Variants in TMEM201 observed in about 807,000 individuals in gnomAD.
TMEM201 encodes the protein RP13-15M17.2.
Under a neutral mutation model 63.4 loss-of-function variants are expected in TMEM201, and 26 were observed. The observed-to-expected ratio is 0.41, with a 90% CI of 0.30 to 0.57. The LOEUF (loss-of-function observed/expected upper bound fraction) is 0.57. Among genes scored for constraint, TMEM201 ranks in the 20% least tolerant of loss-of-function variants. The pLI is 0.29. For missense variants in TMEM201, 794 were observed against 917.7 expected (o/e 0.87, Z 1.74); for synonymous variants, 417 against 421.6 (o/e 0.99, Z 0.14).
chr1:9,602,613 TC>T, intron 6 of TMEM201: 1 of 1,219,096 alleles, frequency 8.2e-7, no homozygotes, highest in Non-Finnish European at 1.0e-6. Flanking sequence ...TACTGGCAGC[TC>T]CAGGCACCCC....
At position 9,611,568 on chromosome 1, in the gene TMEM201, G is replaced by A. The variant is rs773069302; in HGVS notation, c.1766-185G>A. On this transcript the variant is annotated intron_variant, in intron 9 of 10. Coordinates refer to ENST00000340381, the MANE Select transcript of TMEM201 (RefSeq NM_001130924.3). ...GTCACCTTGGGCCTGAATACTGGCA[G>A]ACAAGAGGTGGCAGGACAGTTGAGC... is the stretch of plus-strand genomic sequence containing the variant. Among the ~76,000 whole-genome samples, 107 of 152,358 alleles carry A rather than the reference G, an allele frequency of 7.0e-4. 1 individual carries two copies. The highest frequency in any genetic ancestry group is 7.7e-4 in the East Asian group (4 of 5,188).
In TMEM201 at chr1:9,603,701, C is replaced by T. The variant is rs1053841221; in HGVS notation, c.1160+1429C>T. 9.1e-6 allele frequency: 9 copies of T among 985,308 alleles called. No individual in the cohort carries two copies. The highest frequency in any genetic ancestry group is 1.1e-5 in the Non-Finnish European group (9 of 829,952). The allele number at this position is 985,308 out of a possible 1,614,324, so 61.0% of individuals were successfully genotyped here. On this transcript the variant is annotated intron_variant, in intron 6 of 10. Coordinates refer to ENST00000340381, the MANE Select transcript of TMEM201 (RefSeq NM_001130924.3). The surrounding 1 kb of genome is among the most constrained non-coding windows in gnomAD (Gnocchi z 4.5). ...AGGCCTCACTGCTGTGAATCTGCCA[C>T]GCCTGGGGGTCCTAGAGGCTGCCCC...
chr1:9,598,721 T>G, intron 4 of TMEM201, 96 bp downstream of exon 4: 3 of 1,219,626 alleles, frequency 2.5e-6, no homozygotes, highest in Non-Finnish European at 3.4e-6. Context: ...AGGGTAGCTC[T>G]TCAGAGCTGA....
chr1:9,612,033 G>A (rs4073293), intron 10 of TMEM201, 143 bp downstream of exon 10: 722,843 of 931,694 alleles, frequency 0.78, 284,060 homozygotes, highest in Non-Finnish European at 0.81. Context: ...CCCACCCGGC[G>A]CCTCTGAATC....
chr1:9,595,813 T>TGGGGC, intron 1 of TMEM201, 77 bp from the exon 2 acceptor site: 1 of 1,595,864 alleles, frequency 6.3e-7, no homozygotes, highest in Non-Finnish European at 8.5e-7. Flanking sequence ...CTGGTGGCCC[T>TGGGGC]GGGGCAGGGC....
rs1245573540 is a variant in TMEM201 at position 9,613,023 on chromosome 1, C to T, written c.1941C>T (p.Ala647=). The change falls in exon 11 of 11, where the codon GCC becomes GCT. Residue 647 remains alanine (A), a synonymous_variant. Transcript: ENST00000340381. ...CTTCCCTGGTCCGGGGCCTCCTGGC[C>T]GTGAGCTTGGCCGCCAACGCCCTGT... ...FGPSLVRGLL[A]VSLAANALFT... is the part of the protein sequence containing the mutation. 1.8e-5 allele frequency: 28 copies of T among 1,551,428 alleles called. No homozygotes were observed. The Admixed American group carries it at 3.9e-4, about 22-fold the overall frequency.
At chr1:9,596,068 G>A in intron 2 of TMEM201, 58 bp downstream of exon 2, 5 of 1,587,122 alleles carry the variant, frequency 3.2e-6, no homozygotes, top group Non-Finnish European at 4.3e-6. Flanking sequence ...CTTGAGATTT[G>A]CACCTTGAGA....
At position 9,604,819 on chromosome 1, in the gene TMEM201, C is replaced by T. The variant is rs745985972; in HGVS notation, c.1160+2547C>T. 8.1e-6 allele frequency: 8 copies of T among 985,882 alleles called. No individual in the cohort carries two copies. The highest frequency in any genetic ancestry group is 9.6e-6 in the Non-Finnish European group (8 of 830,018). 61.1% of individuals were successfully genotyped at this position (985,882 alleles called of 1,614,324 possible). On this transcript the variant is annotated intron_variant, in intron 6 of 10. Coordinates refer to ENST00000340381, the MANE Select transcript of TMEM201 (RefSeq NM_001130924.3). This position sits in a 1 kb window ranked among gnomAD's most constrained non-coding sequence, Gnocchi z 4.1. ...CTTCTGTCTGTGACTGTTGCTGAGT[C>T]TCTGTCTCATGTCGTAGAATTGTGG...
intron 4 of TMEM201, among the ~76,000 whole-genome samples, chr1:9,599,587 T>G (rs1644096366): frequency 6.6e-6 from 1 of 151,976 alleles, no homozygotes; most frequent in Admixed American, 6.6e-5. Flanking sequence ...TTTGTGAAGT[T>G]CTCACCAAAA....
rs983440553 is a variant in TMEM201 at position 9,603,634 on chromosome 1, C to T, written c.1160+1362C>T. The T allele has an allele frequency of 3.3e-5, 33 of 985,324 alleles. No individual in the cohort carries two copies. The highest frequency in any genetic ancestry group is 6.1e-5 in the Admixed American group (1 of 16,266). 61.0% of individuals were successfully genotyped at this position (985,324 alleles called of 1,614,324 possible). ...ATCACAGGTGCATGAGGGTTACACC[C>T]GTCACCTGGGTCTGCCGGGATGGGT... On this transcript the variant is annotated intron_variant, in intron 6 of 10. Coordinates refer to ENST00000340381, the MANE Select transcript of TMEM201 (RefSeq NM_001130924.3). The surrounding 1 kb of genome is among the most constrained non-coding windows in gnomAD (Gnocchi z 4.5).
chr1:9,594,545 G>T (rs1161056615), intron 1 of TMEM201, among the ~76,000 whole-genome samples: 1 of 152,238 alleles, frequency 6.6e-6, no homozygotes, highest in Non-Finnish European at 1.5e-5. Flanking sequence ...TGTGAGGGAG[G>T]TGCTTTTGTC....
intron 1 of TMEM201, among the ~76,000 whole-genome samples, chr1:9,589,937 A>T (rs1047140614): frequency 1.3e-5 from 2 of 152,234 alleles, no homozygotes; most frequent in African/African-American, 4.8e-5. Context: ...ACTCAGCAGC[A>T]AGTGGCAGAG....
chr1:9,611,186 AT>A, intron 9 of TMEM201: 1 of 612,864 alleles, frequency 1.6e-6, no homozygotes, highest in Non-Finnish European at 2.4e-6. Context: ...TTTCACATGA[AT>A]TTGTAGATTT....
intron 1 of TMEM201, among the ~76,000 whole-genome samples, chr1:9,593,527 A>G (rs1216292672): frequency 6.6e-6 from 1 of 152,204 alleles, no homozygotes; most frequent in Admixed American, 6.5e-5. Context: ...GGCCCCAGGG[A>G]CAAGGGCTAA....
chr1:9,589,042 A>T lies in TMEM201; in HGVS notation c.112A>T (p.Arg38Trp). ...AGVLLYRIARRMKPTHTMVNC... is the reference protein window; with the variant it reads ...AGVLLYRIARWMKPTHTMVNC... ...CGTGTTGCTCTACCGGATCGCGCGG[A>T]GGTGAGTGCATGGTTCGGCCCCACG... The change falls in exon 1 of 11, where the codon AGG (arginine) becomes TGG (tryptophan). Residue 38 changes from arginine (R) to tryptophan (W), a missense_variant and splice_region_variant. Arg to Trp is a moderately radical substitution (Grantham distance 101, BLOSUM62 -3). Transcript: ENST00000340381. 9.0e-7 allele frequency: 1 copy of T among 1,116,210 alleles called. No homozygotes were observed. The highest frequency in any genetic ancestry group is 1.1e-6 in the Non-Finnish European group (1 of 912,368). The allele number at this position is 1,116,210 out of a possible 1,614,324, so 69.1% of individuals were successfully genotyped here.
chr1:9,597,170 C>T, intron 3 of TMEM201, 117 bp downstream of exon 3: 1 of 1,243,572 alleles, frequency 8.0e-7, no homozygotes, highest in Non-Finnish European at 1.1e-6. Context: ...CTCTGCTAGA[C>T]AGCGGCTTTT....
At chr1:9,591,094 T>A (rs539126790) in intron 1 of TMEM201, among the ~76,000 whole-genome samples, 159 of 152,338 alleles carry the variant, frequency 1.0e-3, no homozygotes, top group Non-Finnish European at 1.9e-3. Context: ...GCTGCTTCTC[T>A]GAAGGACTGA....
rs566709416 is a variant in TMEM201, at chr1:9,604,332, G to A, written c.1160+2060G>A. On this transcript the variant is annotated intron_variant, in intron 6 of 10. Transcript: ENST00000340381. This position sits in a 1 kb window ranked among gnomAD's most constrained non-coding sequence, Gnocchi z 4.1. ...TCGCTCCTGCCCTCTGCCGGGGTCCGGAAGCGACATCTCAGGAGGTAGCTC... is the reference window on the plus strand; with the variant it reads ...TCGCTCCTGCCCTCTGCCGGGGTCCAGAAGCGACATCTCAGGAGGTAGCTC... 2.3e-4 allele frequency: 224 copies of A among 985,402 alleles called. No homozygotes were observed. In the African/African-American group the frequency reaches 3.7e-3, roughly 16 times the overall value. The allele number at this position is 985,402 out of a possible 1,614,324, so 61.0% of individuals were successfully genotyped here.
At position 9,607,942 on chromosome 1, in the gene TMEM201, A is replaced by G. The variant is rs1569956686; in HGVS notation, c.1393+153A>G. On this transcript the variant is annotated intron_variant, in intron 7 of 10. Transcript: ENST00000340381. This position sits in a 1 kb window ranked among gnomAD's most constrained non-coding sequence, Gnocchi z 5.4. ...GAGCTTTGAGCCTCAGTTCCCCCCAAAGAAATGGGGCTAGCTAGGAATAGG... is the reference window on the plus strand; with the variant it reads ...GAGCTTTGAGCCTCAGTTCCCCCCAGAGAAATGGGGCTAGCTAGGAATAGG... 6.6e-6 allele frequency among the ~76,000 whole-genome samples: 1 copy of G among 152,118 alleles called. No homozygotes were observed. Among genetic ancestry groups the G allele is most frequent in the African/African-American group, 2.4e-5 (1 of 41,416 alleles).
Sources: allele counts gnomAD v4.1 joint callset (sites outside exome capture counted in the v4.1 genomes callset), GRCh38; gene constraint gnomAD v4.1.1; non-coding constraint Gnocchi (gnomAD v3.1); transcripts MANE v1.5; gene names NCBI Gene and HGNC (gene_info 2026-07-23, HGNC 2026-07-21).